The following MEGF11 variants were observed in gnomAD, a reference collection of about 807,000 sequenced individuals.
MEGF11 encodes multiple epidermal growth factor-like domains protein 11.
Under a neutral mutation model 146.6 loss-of-function variants are expected in MEGF11, and 126 were observed. That is an observed-to-expected ratio of 0.86 (90% CI 0.74 to 1.00). The LOEUF (loss-of-function observed/expected upper bound fraction) is 1.00. Ranked by LOEUF, MEGF11 falls within the 50% of genes least tolerant of loss-of-function variation. MEGF11 has a pLI of 0.00. For missense variants in MEGF11, 1,509 were observed against 1,521.2 expected, an observed-to-expected ratio of 0.99 and a Z score of 0.13; for synonymous variants, 532 against 583.4, an observed-to-expected ratio of 0.91 and a Z score of 1.27.
chr15:66,147,513 G>A (rs766283030), intron 1 of MEGF11, among the ~76,000 whole-genome samples: 11 of 152,220 alleles, frequency 7.2e-5, no homozygotes, highest in African/African-American at 1.7e-4. Flanking sequence ...CCATTGCCAC[G>A]GTTGCTGGGA....
chr15:66,179,016 T>G (rs1307387532), intron 1 of MEGF11, among the ~76,000 whole-genome samples: 1 of 152,194 alleles, frequency 6.6e-6, no homozygotes, highest in Non-Finnish European at 1.5e-5. Context: ...GTAGCCAGTG[T>G]CTACTGCTGC....
intron 1 of MEGF11, among the ~76,000 whole-genome samples, chr15:66,210,387 T>C (rs2091414042): frequency 1.3e-5 from 2 of 152,150 alleles, no homozygotes; most frequent in African/African-American, 2.4e-5. Context: ...GCCCTGCCTG[T>C]CTCACTCTAG....
intron 1 of MEGF11, among the ~76,000 whole-genome samples, chr15:66,180,156 G>A (rs1015384970): frequency 6.6e-6 from 1 of 152,196 alleles, no homozygotes; most frequent in Non-Finnish European, 1.5e-5. Context: ...TCTGCACTCT[G>A]AGCCCCAGAG....
At chr15:65,942,107 GC>G (rs1466150604) in intron 10 of MEGF11, among the ~76,000 whole-genome samples, 1 of 152,090 alleles carries the variant, frequency 6.6e-6, no homozygotes, top group Non-Finnish European at 1.5e-5. Context: ...AGGTCGATTT[GC>G]CCCAGGTCAC....
intron 15 of MEGF11, 42 bp from the exon 16 acceptor site, chr15:65,918,136 G>A: frequency 6.2e-7 from 1 of 1,610,390 alleles, no homozygotes; most frequent in South Asian, 1.1e-5. Context: ...TCCCACCTGT[G>A]TTCCTCTGAC....
chr15:66,173,450 G>A (rs2090315838), intron 1 of MEGF11, among the ~76,000 whole-genome samples: 2 of 152,046 alleles, frequency 1.3e-5, no homozygotes, highest in Admixed American at 1.3e-4. Context: ...TGAATAGCTG[G>A]GATTACAGGT....
Position 66,094,490 on chromosome 15 carries a change from C to T in MEGF11, c.306G>A (p.Leu102=). ...GGCCGTGCACACACTCCTCCGTACA[C>T]AGGGCTGAGGGGACATGGGGAGAGG... is the stretch of plus-strand genomic sequence containing the variant. ...YYESGDFCIP[L]CTEECVHGRC... The change falls in exon 5 of 26, where the codon CTG becomes CTA. Residue 102 remains leucine (L), a synonymous_variant. Coordinates refer to ENST00000395614, the MANE Select transcript of MEGF11 (RefSeq NM_001385028.1). The T allele has an allele frequency of 6.4e-7, 1 of 1,560,182 alleles. No homozygotes were observed.
rs146282835 is a variant in MEGF11, at chr15:66,007,971, T to C, written c.395-25483A>G. On this transcript the variant is annotated intron_variant, in intron 5 of 25. Coordinates refer to ENST00000395614, the MANE Select transcript of MEGF11 (RefSeq NM_001385028.1). ...CTGGCTGCATGGAGCTGTGGCATGG[T>C]TGTCAGGGTTTCAGGCCCTCTCTGC... Among the ~76,000 whole-genome samples, 735 of 152,224 alleles carry C rather than the reference T, an allele frequency of 4.8e-3. 3 individuals are homozygous for C. Among genetic ancestry groups the C allele is most frequent in the African/African-American group, 0.015 (634 of 41,536 alleles).
intron 5 of MEGF11, among the ~76,000 whole-genome samples, chr15:66,055,201 G>A (rs1213226161): frequency 6.6e-6 from 1 of 152,202 alleles, no homozygotes; most frequent in East Asian, 1.9e-4. Context: ...TGATAAGGCT[G>A]CACACTACTG....
intron 1 of MEGF11, among the ~76,000 whole-genome samples, chr15:66,186,355 C>A (rs1411954580): frequency 6.6e-6 from 1 of 152,140 alleles, no homozygotes; most frequent in Admixed American, 6.5e-5. Context: ...CCAGCAGCCC[C>A]TGGGCCCTCT....
chr15:65,940,953 T>A (rs577693536), intron 10 of MEGF11, among the ~76,000 whole-genome samples: 4 of 152,350 alleles, frequency 2.6e-5, no homozygotes, highest in African/African-American at 9.6e-5. Context: ...CATTATAGAT[T>A]TGTGTATATA....
At chr15:66,149,069 C>A (rs942927596) in intron 1 of MEGF11, among the ~76,000 whole-genome samples, 1 of 152,232 alleles carries the variant, frequency 6.6e-6, no homozygotes, top group African/African-American at 2.4e-5. Flanking sequence ...CCGGCAGGAG[C>A]ACCTCCAGCC....
intron 1 of MEGF11, among the ~76,000 whole-genome samples, chr15:66,209,870 G>A (rs1210977327): frequency 1.3e-5 from 2 of 151,916 alleles, no homozygotes; most frequent in East Asian, 3.9e-4. Context: ...TGTCACTCAG[G>A]CTGGAATGCA....
intron 10 of MEGF11, among the ~76,000 whole-genome samples, chr15:65,943,379 T>C (rs2080077117): frequency 6.6e-6 from 1 of 152,132 alleles, no homozygotes; most frequent in Non-Finnish European, 1.5e-5. Context: ...TAGAGGAGTA[T>C]GTATGTGGAC....
At chr15:66,216,684 A>T (rs920048991) in intron 1 of MEGF11, among the ~76,000 whole-genome samples, 15 of 152,192 alleles carry the variant, frequency 9.9e-5, no homozygotes, top group Admixed American at 6.5e-5. Flanking sequence ...AGTCAGAAGT[A>T]CAGAAATCTG....
intron 1 of MEGF11, among the ~76,000 whole-genome samples, chr15:66,151,626 C>T (rs898875253): frequency 9.9e-5 from 15 of 152,166 alleles, no homozygotes; most frequent in African/African-American, 3.1e-4. Context: ...CTCAGTTTCC[C>T]TTCCTGCTTC....
chr15:65,939,598 G>A (rs538259884), intron 10 of MEGF11, among the ~76,000 whole-genome samples: 1 of 151,270 alleles, frequency 6.6e-6, no homozygotes, highest in Non-Finnish European at 1.5e-5. Flanking sequence ...GGGTTCAAGC[G>A]ATTCTCCTGC....
chr15:65,990,532 A>G (rs1264788381), intron 5 of MEGF11, among the ~76,000 whole-genome samples: 1 of 151,844 alleles, frequency 6.6e-6, no homozygotes, highest in African/African-American at 2.4e-5. Flanking sequence ...CCTTGGTAAC[A>G]TGGTGAGACC....
intron 1 of MEGF11, among the ~76,000 whole-genome samples, chr15:66,212,153 C>A (rs1021456572): frequency 6.6e-6 from 1 of 151,878 alleles, no homozygotes; most frequent in Non-Finnish European, 1.5e-5. Context: ...AGCAAGGGAG[C>A]CCACACAAGA....
Sources: gnomAD v4.1 joint callset for allele counts (sites outside exome capture counted in the v4.1 genomes callset) on GRCh38, gnomAD v4.1.1 for gene constraint, MANE v1.5 for transcripts, NCBI Gene and HGNC (gene_info 2026-07-23, HGNC 2026-07-21) for gene names.